SLC39A11: variants seen among roughly 807,000 people sequenced by gnomAD.
The protein encoded by SLC39A11 is zinc transporter ZIP11.
A neutral mutation model predicts 36.1 loss-of-function variants in SLC39A11; 33 were observed. The ratio of observed to expected loss-of-function variants is 0.91; its 90% confidence interval spans 0.69 to 1.22. The LOEUF (loss-of-function observed/expected upper bound fraction) is 1.22, where lower values mean the gene tolerates loss of function less well. Ranked by LOEUF, SLC39A11 falls within the 50% of genes most tolerant of loss-of-function variation. SLC39A11 has a pLI of 0.00. For synonymous variants in SLC39A11, 166 were observed against 170.3 expected, an observed-to-expected ratio of 0.97 and a Z score of 0.20; for missense variants, 432 against 430.3, an observed-to-expected ratio of 1.00 and a Z score of -0.03.
At chr17:72,856,362 C>A (rs2079642370) in intron 5 of SLC39A11, among the ~76,000 whole-genome samples, 1 of 152,152 alleles carries the variant, frequency 6.6e-6, no homozygotes, top group Admixed American at 6.5e-5. Flanking sequence ...TTGAAAGATG[C>A]CTGCTGCCCA....
At chr17:72,739,420 C>T (rs774510133) in intron 6 of SLC39A11, among the ~76,000 whole-genome samples, 2 of 152,218 alleles carry the variant, frequency 1.3e-5, no homozygotes, top group Admixed American at 6.5e-5. Flanking sequence ...AGCCACTGCA[C>T]GCAGTGAGAA....
intron 5 of SLC39A11, among the ~76,000 whole-genome samples, chr17:72,922,960 CAAA>C (rs10645750): frequency 0.016 from 717 of 44,060 alleles, 10 homozygotes; most frequent in African/African-American, 0.028. Flanking sequence ...GACTCCTTCT[CAAA>C]AAAAAAAAAA....
At chr17:73,045,939 T>C (rs957036914) in intron 3 of SLC39A11, among the ~76,000 whole-genome samples, 1 of 152,182 alleles carries the variant, frequency 6.6e-6, no homozygotes, top group African/African-American at 2.4e-5. Flanking sequence ...GGTCTGTTGA[T>C]GGGCATCGCA....
chr17:72,662,421 GAGAA>G (rs767562014), intron 7 of SLC39A11, among the ~76,000 whole-genome samples: 31 of 118,210 alleles, frequency 2.6e-4, no homozygotes, highest in Middle Eastern at 5.9e-3. Context: ...GAAAAAGAAA[GAGAA>G]AGAAAGAAAA....
chr17:73,015,639 A>T (rs574148161), intron 4 of SLC39A11, among the ~76,000 whole-genome samples: 50 of 152,244 alleles, frequency 3.3e-4, no homozygotes, highest in African/African-American at 1.1e-3. Flanking sequence ...GCTGGAGTGC[A>T]GTGGCGCGAT....
At chr17:73,017,361 T>G (rs7218007) in intron 4 of SLC39A11, among the ~76,000 whole-genome samples, 8,379 of 152,064 alleles carry the variant, frequency 0.055, 512 homozygotes, top group African/African-American at 0.14. Flanking sequence ...TGGGGGCAGG[T>G]AGGGACTTTC....
At chr17:72,844,932 G>C (rs1272083122) in intron 6 of SLC39A11, among the ~76,000 whole-genome samples, 1 of 152,124 alleles carries the variant, frequency 6.6e-6, no homozygotes, top group Non-Finnish European at 1.5e-5. Context: ...GAAACCTCCG[G>C]GTCCCTCCTG....
chr17:72,783,456 T>C (rs981544335), intron 6 of SLC39A11, among the ~76,000 whole-genome samples: 1 of 152,178 alleles, frequency 6.6e-6, no homozygotes, highest in Non-Finnish European at 1.5e-5. Context: ...CTCATGGAAA[T>C]TGAGATTACA....
chr17:72,729,405 TTATATATATATATATATATATA>T (rs1162603035), intron 7 of SLC39A11, among the ~76,000 whole-genome samples: 3 of 29,222 alleles, frequency 1.0e-4, no homozygotes, highest in Admixed American at 1.2e-3. Flanking sequence ...ACCTGGCTAT[TTATATATATATATATATATATA>T]TATATATATA....
chr17:73,067,815 T>C (rs2060041106), intron 3 of SLC39A11: 4 of 1,477,060 alleles, frequency 2.7e-6, no homozygotes, highest in African/African-American at 2.8e-5. Context: ...TTTTCAGAGC[T>C]GTCTCTTCTG....
intron 6 of SLC39A11, among the ~76,000 whole-genome samples, chr17:72,760,676 A>T (rs1483605167): frequency 6.6e-6 from 1 of 152,250 alleles, no homozygotes; most frequent in Admixed American, 6.5e-5. Context: ...TGGTAAACAC[A>T]GAAGGCATCC....
At chr17:73,063,164 C>T (rs764245080) in intron 3 of SLC39A11, among the ~76,000 whole-genome samples, 1 of 152,176 alleles carries the variant, frequency 6.6e-6, no homozygotes, top group Non-Finnish European at 1.5e-5. Context: ...TTGTCTCTAT[C>T]ACCCTCAGTC....
At chr17:72,999,141 G>C (rs2089680137) in intron 4 of SLC39A11, among the ~76,000 whole-genome samples, 1 of 152,170 alleles carries the variant, frequency 6.6e-6, no homozygotes. Flanking sequence ...CATTTCTCAA[G>C]GCCTAGCATC....
intron 7 of SLC39A11, among the ~76,000 whole-genome samples, chr17:72,705,920 C>G (rs2072874796): frequency 6.6e-6 from 1 of 152,220 alleles, no homozygotes; most frequent in Non-Finnish European, 1.5e-5. Context: ...ATCAAGGAAG[C>G]ACATTTCTTC....
intron 5 of SLC39A11, among the ~76,000 whole-genome samples, chr17:72,888,268 A>C (rs951447406): frequency 1.3e-5 from 2 of 152,216 alleles, no homozygotes; most frequent in African/African-American, 4.8e-5. Flanking sequence ...TGAAGATGTA[A>C]AATATGCCTT....
intron 5 of SLC39A11, among the ~76,000 whole-genome samples, chr17:72,907,482 A>C (rs553352962): frequency 6.6e-6 from 1 of 152,314 alleles, no homozygotes; most frequent in South Asian, 2.1e-4. Flanking sequence ...AGAGTGACGG[A>C]GCGAGACTCC....
intron 6 of SLC39A11, among the ~76,000 whole-genome samples, chr17:72,746,681 T>C (rs911028245): frequency 2.6e-5 from 4 of 152,056 alleles, no homozygotes; most frequent in Admixed American, 6.6e-5. Flanking sequence ...GAGCTTGCAG[T>C]GAGCTGAGAT....
intron 6 of SLC39A11, among the ~76,000 whole-genome samples, chr17:72,776,904 C>T (rs1214911523): frequency 1.3e-5 from 2 of 152,328 alleles, no homozygotes; most frequent in East Asian, 1.9e-4. Flanking sequence ...GGAGCAGTCA[C>T]TGGGGGCCCT....
At chr17:72,756,168 T>G (rs528269375) in intron 6 of SLC39A11, among the ~76,000 whole-genome samples, 1 of 152,322 alleles carries the variant, frequency 6.6e-6, no homozygotes, top group South Asian at 2.1e-4. Context: ...AAAATAGAAT[T>G]ACCATATGGT....
Sources: gnomAD v4.1 joint callset for allele counts (sites outside exome capture counted in the v4.1 genomes callset) on GRCh38, gnomAD v4.1.1 for gene constraint, MANE v1.5 for transcripts, NCBI Gene and HGNC (gene_info 2026-07-23, HGNC 2026-07-21) for gene names.